TAFA2: variants seen among roughly 807,000 people sequenced by gnomAD.
TAFA2 encodes the protein TAFA chemokine like family member 2.
A neutral mutation model predicts 18.8 loss-of-function variants in TAFA2; 7 were observed. The observed-to-expected ratio is 0.37, with a 90% CI of 0.21 to 0.70. TAFA2 has a LOEUF of 0.70. Among genes scored for constraint, TAFA2 ranks in the 30% least tolerant of loss-of-function variants. The probability of loss-of-function intolerance (pLI) is 0.53; values close to 1 mark genes in which losing one functional copy is unlikely to be tolerated. For missense variants in TAFA2, 122 were observed against 158.1 expected (o/e 0.77, Z 1.23); for synonymous variants, 60 against 54.2 (o/e 1.11, Z -0.47).
intron 1 of TAFA2, among the ~76,000 whole-genome samples, chr12:62,119,956 C>A (rs1870121801): frequency 6.6e-6 from 1 of 151,584 alleles, no homozygotes; most frequent in African/African-American, 2.4e-5. Context: ...GCCTGTAATC[C>A]CAGCTACTCA....
At chr12:61,851,303 C>T (rs1393887413) in intron 2 of TAFA2, among the ~76,000 whole-genome samples, 1 of 151,832 alleles carries the variant, frequency 6.6e-6, no homozygotes, top group East Asian at 1.9e-4. Flanking sequence ...GTTAGATGGA[C>T]AAATAAAGCA....
chr12:61,860,305 T>C (rs1315094947), intron 2 of TAFA2, among the ~76,000 whole-genome samples: 1 of 152,168 alleles, frequency 6.6e-6, no homozygotes, highest in Non-Finnish European at 1.5e-5. Context: ...AATAAAAATG[T>C]GTCATTAAAA....
chr12:61,996,646 A>C (rs1483139375), intron 1 of TAFA2, among the ~76,000 whole-genome samples: 3 of 152,146 alleles, frequency 2.0e-5, no homozygotes. Flanking sequence ...AGTTGTAAGC[A>C]GATCAAAAAT....
intron 1 of TAFA2, among the ~76,000 whole-genome samples, chr12:62,201,949 C>A (rs1245661): frequency 0.53 from 80,733 of 152,004 alleles, 22,216 homozygotes; most frequent in East Asian, 0.7. Flanking sequence ...GATTCAAATT[C>A]TTTCAGATTC....
intron 4 of TAFA2, among the ~76,000 whole-genome samples, chr12:61,742,340 A>G (rs1254415976): frequency 6.6e-6 from 1 of 152,148 alleles, no homozygotes; most frequent in Non-Finnish European, 1.5e-5. Context: ...AGTAATGTTC[A>G]TCTAATGGAC....
intron 1 of TAFA2, among the ~76,000 whole-genome samples, chr12:62,156,439 T>C (rs890644628): frequency 1.3e-5 from 2 of 152,140 alleles, no homozygotes; most frequent in Non-Finnish European, 2.9e-5. Context: ...GCAATCCCAC[T>C]ACTAGGTATC....
At chr12:61,761,243 G>A (rs1410701641) in intron 2 of TAFA2, among the ~76,000 whole-genome samples, 1 of 151,926 alleles carries the variant, frequency 6.6e-6, no homozygotes, top group Non-Finnish European at 1.5e-5. Flanking sequence ...TTGATGTAGT[G>A]AAAGAAACTT....
At chr12:61,833,616 C>A (rs1367764139) in intron 2 of TAFA2, among the ~76,000 whole-genome samples, 1 of 152,020 alleles carries the variant, frequency 6.6e-6, no homozygotes, top group Non-Finnish European at 1.5e-5. Context: ...CGTGTAACTT[C>A]TATCATGGTT....
chr12:61,768,003 C>A (rs1359902834), intron 2 of TAFA2, among the ~76,000 whole-genome samples: 8 of 152,070 alleles, frequency 5.3e-5, no homozygotes, highest in Non-Finnish European at 2.9e-5. Context: ...AGGAGAACCA[C>A]TTGTCAGCAA....
upstream of TAFA2, among the ~76,000 whole-genome samples, chr12:62,197,370 T>C (rs941186853): frequency 1.3e-5 from 2 of 152,242 alleles, no homozygotes; most frequent in Non-Finnish European, 2.9e-5. Flanking sequence ...AACTCTATCA[T>C]AGCTTTCCAT....
chr12:62,099,819 C>T (rs1413711273), intron 1 of TAFA2, among the ~76,000 whole-genome samples: 1 of 152,064 alleles, frequency 6.6e-6, no homozygotes, highest in African/African-American at 2.4e-5. Context: ...AAGCTCAGAG[C>T]ATAAGTAACT....
At chr12:62,183,801 A>G (rs1266715461) in intron 1 of TAFA2, among the ~76,000 whole-genome samples, 1 of 152,214 alleles carries the variant, frequency 6.6e-6, no homozygotes, top group Non-Finnish European at 1.5e-5. Context: ...ATTCATACAT[A>G]GATTTTGAAT....
At chr12:61,787,528 T>C (rs1358993232) in intron 2 of TAFA2, among the ~76,000 whole-genome samples, 1 of 151,620 alleles carries the variant, frequency 6.6e-6, no homozygotes, top group African/African-American at 2.4e-5. Context: ...ACACAAAATA[T>C]ATATAGATGT....
chr12:61,888,542 G>T (rs970309268), intron 1 of TAFA2, among the ~76,000 whole-genome samples: 1 of 152,142 alleles, frequency 6.6e-6, no homozygotes, highest in African/African-American at 2.4e-5. Flanking sequence ...GCAAAACAAG[G>T]ATAACAAGTT....
intron 1 of TAFA2, among the ~76,000 whole-genome samples, chr12:61,902,032 C>A (rs1030946262): frequency 4.0e-5 from 6 of 148,702 alleles, no homozygotes; most frequent in South Asian, 2.1e-4. Flanking sequence ...CATCTCTGAA[C>A]CTCTGCCAGT....
intron 1 of TAFA2, among the ~76,000 whole-genome samples, chr12:62,090,994 A>G (rs777392466): frequency 7.9e-5 from 12 of 152,082 alleles, no homozygotes; most frequent in Non-Finnish European, 1.6e-4. Context: ...CTTTCAGAGA[A>G]TTTGAACAAA....
chr12:61,881,712 C>T (rs941409716), intron 1 of TAFA2, among the ~76,000 whole-genome samples: 1 of 152,062 alleles, frequency 6.6e-6, no homozygotes, highest in African/African-American at 2.4e-5. Context: ...CCCCCACCCT[C>T]CCTTTTCCCT....
chr12:61,942,180 C>A (rs1283341031), intron 1 of TAFA2, among the ~76,000 whole-genome samples: 1 of 146,846 alleles, frequency 6.8e-6, no homozygotes, highest in Non-Finnish European at 1.5e-5. Flanking sequence ...GAGGCACCCC[C>A]CAGCAGGGGC....
intron 1 of TAFA2, among the ~76,000 whole-genome samples, chr12:61,951,156 G>T (rs914606995): frequency 4.6e-5 from 7 of 152,048 alleles, no homozygotes; most frequent in Admixed American, 2.0e-4. Context: ...CAGAAGCATC[G>T]CCAACTTCAA....
Sources: gnomAD v4.1 joint callset for allele counts (sites outside exome capture counted in the v4.1 genomes callset) on GRCh38, gnomAD v4.1.1 for gene constraint, MANE v1.5 for transcripts, NCBI Gene and HGNC (gene_info 2026-07-23, HGNC 2026-07-21) for gene names.